PRELID2: variants seen among roughly 807,000 people sequenced by gnomAD.
The protein encoded by PRELID2 is PRELI domain containing 2, also known as PRELI domain-containing protein 2.
In PRELID2, 25 loss-of-function variants were observed where a neutral mutation model predicts 28.4. The observed-to-expected ratio is 0.88, with a 90% CI of 0.64 to 1.23. PRELID2 has a LOEUF of 1.23. Among genes scored for constraint, PRELID2 ranks in the 50% most tolerant of loss-of-function variants. The probability of loss-of-function intolerance (pLI) is 0.00; values close to 1 mark genes in which losing one functional copy is unlikely to be tolerated. For missense variants in PRELID2, 201 were observed against 214.4 expected (o/e 0.94, Z 0.39); for synonymous variants, 76 against 71.6 (o/e 1.06, Z -0.31).
chr5:145,232,453 C>T, the PRELID2 span, among the ~76,000 whole-genome samples: 3 of 152,190 alleles, frequency 2.0e-5, no homozygotes, highest in African/African-American at 7.2e-5. Context: ...TAGCACTGAC[C>T]TTAGAATGAG....
chr5:145,385,476 C>A, the PRELID2 span, among the ~76,000 whole-genome samples: 2 of 152,118 alleles, frequency 1.3e-5, no homozygotes, highest in East Asian at 3.9e-4. Context: ...GCCTGGGCAA[C>A]ACTGTGTGGA....
chr5:145,591,592 A>C (rs1753227798), intron 1 of PRELID2, among the ~76,000 whole-genome samples: 1 of 152,160 alleles, frequency 6.6e-6, no homozygotes, highest in African/African-American at 2.4e-5. Flanking sequence ...ACTTTAGCTG[A>C]CAAAAATGTT....
At chr5:145,244,619 C>G in the PRELID2 span, among the ~76,000 whole-genome samples, 1 of 152,056 alleles carries the variant, frequency 6.6e-6, no homozygotes. Flanking sequence ...CAGGGAGACT[C>G]TTCATTTGCA....
At chr5:145,619,406 C>G (rs770843558) in intron 1 of PRELID2, among the ~76,000 whole-genome samples, 1 of 152,198 alleles carries the variant, frequency 6.6e-6, no homozygotes, top group Non-Finnish European at 1.5e-5. Flanking sequence ...GTATTTCACT[C>G]GGCTGTCTAA....
chr5:145,264,222 C>G, the PRELID2 span, among the ~76,000 whole-genome samples: 1 of 152,082 alleles, frequency 6.6e-6, no homozygotes, highest in South Asian at 2.1e-4. Flanking sequence ...ACCAATATCC[C>G]TGATAAACAT....
rs1752756444 is a variant in PRELID2, at chr5:145,796,473, GC to G, written c.442del (p.Ala148ProfsTer20). The G allele has an allele frequency of 6.2e-7, 1 of 1,610,022 alleles. No individual in the cohort carries two copies. On this transcript the variant is annotated frameshift_variant, in exon 5 of 7. Coordinates refer to ENST00000683046, the MANE Select transcript of PRELID2 (RefSeq NM_205846.3). LOFTEE classifies it high-confidence loss of function. ...GFLNCVLETF[A>X]STFLRQGAQK... ...GGCTCCCTGTCGTAAGAATGTGCTG[GC>G]AAAAGTTTCTAAAACACAGTTGAGA...
At chr5:145,283,872 C>A in the PRELID2 span, among the ~76,000 whole-genome samples, 1 of 152,108 alleles carries the variant, frequency 6.6e-6, no homozygotes, top group African/African-American at 2.4e-5. Flanking sequence ...ACCATCACTA[C>A]ATTCAGTAAG....
At chr5:145,699,440 T>C (rs1755356830) in intron 1 of PRELID2, among the ~76,000 whole-genome samples, 1 of 151,894 alleles carries the variant, frequency 6.6e-6, no homozygotes, top group Non-Finnish European at 1.5e-5. Context: ...AAACTAAGGG[T>C]AGGAGAACTG....
chr5:145,377,184 G>T, the PRELID2 span, among the ~76,000 whole-genome samples: 1 of 152,114 alleles, frequency 6.6e-6, no homozygotes, highest in African/African-American at 2.4e-5. Context: ...CAATTTCCAT[G>T]TAATTGCATA....
the PRELID2 span, among the ~76,000 whole-genome samples, chr5:145,346,422 C>T: frequency 6.6e-6 from 1 of 152,092 alleles, no homozygotes; most frequent in South Asian, 2.1e-4. Flanking sequence ...TTGCCCATTG[C>T]ATTAGTAACA....
chr5:145,299,465 T>C, the PRELID2 span, among the ~76,000 whole-genome samples: 18 of 152,298 alleles, frequency 1.2e-4, no homozygotes, highest in East Asian at 3.1e-3. Context: ...ATAAACAAGA[T>C]TGTAAAATTA....
At chr5:145,617,774 C>A (rs1753720084) in intron 1 of PRELID2, among the ~76,000 whole-genome samples, 1 of 150,568 alleles carries the variant, frequency 6.6e-6, no homozygotes, top group Non-Finnish European at 1.5e-5. Flanking sequence ...GCTCTTATTG[C>A]CCAGGCTGGA....
chr5:145,278,421 G>T, the PRELID2 span, among the ~76,000 whole-genome samples: 21 of 152,124 alleles, frequency 1.4e-4, no homozygotes, highest in Non-Finnish European at 1.2e-4. Context: ...AATTCATGAA[G>T]TCATTGGCAG....
intron 1 of PRELID2, among the ~76,000 whole-genome samples, chr5:145,830,401 A>G (rs529222564): frequency 9.2e-5 from 14 of 152,198 alleles, no homozygotes; most frequent in African/African-American, 1.9e-4. Flanking sequence ...CAGGCAGATG[A>G]AATTTAAGAA....
the PRELID2 span, among the ~76,000 whole-genome samples, chr5:145,308,492 T>C: frequency 3.3e-5 from 5 of 152,312 alleles, no homozygotes; most frequent in Non-Finnish European, 7.4e-5. Context: ...GCAGAGTACT[T>C]TAGGTGCACC....
the PRELID2 span, among the ~76,000 whole-genome samples, chr5:145,356,318 A>T: frequency 6.6e-6 from 1 of 152,154 alleles, no homozygotes; most frequent in Non-Finnish European, 1.5e-5. Flanking sequence ...CCAGAGCTTT[A>T]TTAATCAATA....
intron 1 of PRELID2, among the ~76,000 whole-genome samples, chr5:145,476,387 G>C (rs1026409732): frequency 3.3e-5 from 5 of 152,246 alleles, no homozygotes; most frequent in Non-Finnish European, 7.3e-5. Flanking sequence ...GCTCACGCCT[G>C]TAATTCCAGC....
chr5:145,243,828 C>T, the PRELID2 span, among the ~76,000 whole-genome samples: 1 of 151,980 alleles, frequency 6.6e-6, no homozygotes, highest in African/African-American at 2.4e-5. Flanking sequence ...GTTCCATTTC[C>T]CTAGGGGATC....
chr5:145,291,197 G>A, the PRELID2 span, among the ~76,000 whole-genome samples: 1 of 122,078 alleles, frequency 8.2e-6, no homozygotes, highest in African/African-American at 3.8e-5. Flanking sequence ...AGTTTGCCAG[G>A]CCTGTGTCAG....
Sources: gnomAD v4.1 joint callset for allele counts (sites outside exome capture counted in the v4.1 genomes callset) on GRCh38, gnomAD v4.1.1 for gene constraint, MANE v1.5 for transcripts, NCBI Gene and HGNC (gene_info 2026-07-23, HGNC 2026-07-21) for gene names.